LIN28B: variants seen among roughly 807,000 people sequenced by gnomAD.
LIN28B encodes protein lin-28 homolog B.
In LIN28B, 5 loss-of-function variants were observed where a neutral mutation model predicts 21.9. The ratio of observed to expected loss-of-function variants is 0.23; its 90% CI spans 0.12 to 0.48. LIN28B has a LOEUF of 0.48. Among genes scored for constraint, LIN28B ranks in the 20% least tolerant of loss-of-function variants. The probability of loss-of-function intolerance (pLI) is 0.98; values close to 1 mark genes in which losing one functional copy is unlikely to be tolerated. For synonymous variants in LIN28B, 109 were observed against 111.3 expected, an observed-to-expected ratio of 0.98 and a Z score of 0.13; for missense variants, 245 against 310.5, an observed-to-expected ratio of 0.79 and a Z score of 1.58.
intron 2 of LIN28B, among the ~76,000 whole-genome samples, chr6:105,016,028 TATA>T (rs987588642): frequency 2.6e-5 from 4 of 152,166 alleles, no homozygotes; most frequent in Non-Finnish European, 5.9e-5. Context: ...CTACTTGAAA[TATA>T]GTATTATTTC....
At chr6:104,980,581 G>T (rs951978451) in intron 2 of LIN28B, among the ~76,000 whole-genome samples, 13 of 152,290 alleles carry the variant, frequency 8.5e-5, no homozygotes, top group African/African-American at 2.6e-4. Context: ...TTCAGGGTCT[G>T]TCGTGTGTTA....
At chr6:104,973,044 G>A (rs939084338) in intron 2 of LIN28B, among the ~76,000 whole-genome samples, 20 of 151,940 alleles carry the variant, frequency 1.3e-4, no homozygotes, top group African/African-American at 3.4e-4. Context: ...CTGGGAGTCA[G>A]AGGTTGCAGC....
At chr6:105,063,649 A>AAAC (rs1562111685) in intron 3 of LIN28B, among the ~76,000 whole-genome samples, 1 of 46,668 alleles carries the variant, frequency 2.1e-5, no homozygotes. Context: ...GGGGGGGGGG[A>AAAC]AAAAAAGGTA....
chr6:104,942,192 T>G (rs1778103920), intron 2 of LIN28B, among the ~76,000 whole-genome samples: 1 of 152,216 alleles, frequency 6.6e-6, no homozygotes, highest in Non-Finnish European at 1.5e-5. Context: ...TTTTTATTTA[T>G]CGATCACAAA....
chr6:104,965,799 T>G (rs1769844372), intron 2 of LIN28B, among the ~76,000 whole-genome samples: 1 of 152,222 alleles, frequency 6.6e-6, no homozygotes, highest in South Asian at 2.1e-4. Context: ...TGTGTAAGAT[T>G]TTACCTGTGT....
At chr6:105,053,714 C>CATATGTGTGT (rs61525783) in intron 3 of LIN28B, among the ~76,000 whole-genome samples, 8 of 147,274 alleles carry the variant, frequency 5.4e-5, no homozygotes, top group Non-Finnish European at 1.0e-4. Context: ...TGTGTGGGTG[C>CATATGTGTGT]GTGTGTGTGT....
At chr6:104,956,189 T>A (rs1778287533), upstream of LIN28B, among the ~76,000 whole-genome samples, 1 of 151,942 alleles carries the variant, frequency 6.6e-6, no homozygotes, top group Non-Finnish European at 1.5e-5. Context: ...TTGACTCTGC[T>A]GCCGCCTATC....
At position 105,001,927 on chromosome 6, in the gene LIN28B, C is replaced by A. The variant is rs1299173509; in HGVS notation, c.199-24371C>A. ...AAAGTATGTAGCACAATTAATGCAG[C>A]CCTTGTCTAAAATTGCATATTTTTC... On this transcript the variant is annotated intron_variant, in intron 2 of 3. Transcript: ENST00000345080. Among the ~76,000 whole-genome samples the A allele has an allele frequency of 2.0e-5, 3 of 152,148 alleles. No homozygotes were observed. In the East Asian group the frequency reaches 5.8e-4, roughly 29 times the overall value.
At position 104,938,050 on chromosome 6, in the gene LIN28B, C is replaced by CAAAAAA. The variant is rs10562331; in HGVS notation, c.18+957_18+962dup. ...GCAACAGAGCAAGAACCTGTCTCTA[C>CAAAAAA]AAAAAAAAAAAAAAAAAAAAAAAAA... On this transcript the variant is annotated intron_variant, in intron 2 of 5. Coordinates refer to the LIN28B transcript ENST00000635857. 6.5e-4 allele frequency among the ~76,000 whole-genome samples: 48 copies of CAAAAAA among 73,704 alleles called. 2 individuals are homozygous for CAAAAAA. Among genetic ancestry groups the CAAAAAA allele is most frequent in the African/African-American group, 2.7e-3 (44 of 16,284 alleles). The allele number at this position is 73,704 out of a possible 152,430, so 48.4% of individuals were successfully genotyped here.
intron 3 of LIN28B, among the ~76,000 whole-genome samples, chr6:105,038,843 T>C (rs1396943724): frequency 2.0e-5 from 3 of 152,190 alleles, no homozygotes; most frequent in Non-Finnish European, 4.4e-5. Context: ...TGTGTGGCAT[T>C]ACTAACCTAA....
intron 2 of LIN28B, among the ~76,000 whole-genome samples, chr6:105,021,888 A>G (rs1318243837): frequency 6.6e-6 from 1 of 152,166 alleles, no homozygotes; most frequent in Non-Finnish European, 1.5e-5. Flanking sequence ...TTTAATAGAA[A>G]GCCATGACTA....
At chr6:105,045,162 G>C (rs1771724904) in intron 3 of LIN28B, among the ~76,000 whole-genome samples, 1 of 151,746 alleles carries the variant, frequency 6.6e-6, no homozygotes, top group South Asian at 2.1e-4. Flanking sequence ...TTTATTCTAT[G>C]TATATCTTAT....
chr6:104,942,789 T>G (rs1462060128), intron 2 of LIN28B, among the ~76,000 whole-genome samples: 1 of 152,180 alleles, frequency 6.6e-6, no homozygotes, highest in Non-Finnish European at 1.5e-5. Context: ...TATTTGACTT[T>G]TCCATTTTAC....
chr6:105,074,810 A>G (rs554299037), intron 3 of LIN28B, among the ~76,000 whole-genome samples: 1 of 152,244 alleles, frequency 6.6e-6, no homozygotes, highest in South Asian at 2.1e-4. Context: ...GGATCAAGCA[A>G]TTCTCCTGCC....
At position 104,946,541 on chromosome 6, in the gene LIN28B, C is replaced by A. The variant is rs576445632; in HGVS notation, c.19-3920C>A. 9.9e-5 allele frequency among the ~76,000 whole-genome samples: 15 copies of A among 152,152 alleles called. No individual in the cohort carries two copies. In the South Asian group the frequency reaches 3.1e-3, roughly 32 times the overall value. The stretch of plus-strand genomic sequence containing the variant: ...CTGCATTCACTTCAGTGTTGAACTT[C>A]CATGTTTAATATTTTATTTGATGTG... On this transcript the variant is annotated intron_variant, in intron 2 of 5. Coordinates refer to the LIN28B transcript ENST00000635857.
At chr6:105,018,452 G>A (rs951135051) in intron 2 of LIN28B, among the ~76,000 whole-genome samples, 4 of 152,088 alleles carry the variant, frequency 2.6e-5, no homozygotes, top group Admixed American at 2.6e-4. Context: ...CATTAGCTCA[G>A]TTTCGACTGC....
intron 2 of LIN28B, among the ~76,000 whole-genome samples, chr6:104,991,456 G>A (rs1562084317): frequency 6.6e-6 from 1 of 151,668 alleles, no homozygotes; most frequent in Non-Finnish European, 1.5e-5. Flanking sequence ...CAGACGATGG[G>A]CGGCTGGGCA....
chr6:105,021,403 C>T (rs1309930105), intron 2 of LIN28B, among the ~76,000 whole-genome samples: 2 of 152,084 alleles, frequency 1.3e-5, no homozygotes, highest in African/African-American at 4.8e-5. Context: ...ATTGCTAAAT[C>T]GAATAGTAAT....
intron 3 of LIN28B, among the ~76,000 whole-genome samples, chr6:105,039,970 G>A (rs1375032264): frequency 6.6e-6 from 1 of 152,086 alleles, no homozygotes; most frequent in Non-Finnish European, 1.5e-5. Flanking sequence ...CCAATTTAAT[G>A]AAAATAGCTT....
Sources: gnomAD v4.1 joint callset for allele counts (sites outside exome capture counted in the v4.1 genomes callset) on GRCh38, gnomAD v4.1.1 for gene constraint, MANE v1.5 for transcripts, NCBI Gene and HGNC (gene_info 2026-07-23, HGNC 2026-07-21) for gene names.